PARP10: variants seen among roughly 807,000 people sequenced by gnomAD.
PARP10 encodes protein mono-ADP-ribosyltransferase PARP10.
A neutral mutation model predicts 82.4 loss-of-function variants in PARP10; 56 were observed. The ratio of observed to expected loss-of-function variants is 0.68; its 90% CI spans 0.55 to 0.85. The LOEUF (loss-of-function observed/expected upper bound fraction) is 0.85. Among genes scored for constraint, PARP10 ranks in the 40% least tolerant of loss-of-function variants. The probability of loss-of-function intolerance (pLI) is 0.00; values close to 1 mark genes in which losing one functional copy is unlikely to be tolerated. For missense variants in PARP10, 1,227 were observed against 1,379.4 expected, an observed-to-expected ratio of 0.89 and a Z score of 1.75; for synonymous variants, 576 against 601.1, an observed-to-expected ratio of 0.96 and a Z score of 0.61.
At chr8:143,999,185 G>A (rs572704351) in intron 1 of PARP10, among the ~76,000 whole-genome samples, 150 of 151,740 alleles carry the variant, frequency 9.9e-4, no homozygotes, top group African/African-American at 3.6e-3. Flanking sequence ...GACCACAGGC[G>A]CTCACTACCA....
rs1554748391 is a variant in PARP10, at chr8:143,983,707, C to T, written c.1882G>A (p.Glu628Lys). 2 of 1,610,106 alleles carry T rather than the reference C, an allele frequency of 1.2e-6. No individual in the cohort carries two copies. The highest frequency in any genetic ancestry group is 1.7e-5 in the Admixed American group (1 of 59,638). Residue 628 changes from glutamate (E) to lysine (K), a missense_variant, in exon 8 of 11, where the codon GAG (glutamate) becomes AAG (lysine). Transcript: ENST00000313028. Reference protein sequence around the residue: ...EEEGPQEQPEEEVTPGHEEEE... With the variant: ...EEEGPQEQPEKEVTPGHEEEE... The stretch of plus-strand genomic sequence containing the variant: ...TCCTCATGCCCTGGGGTCACCTCCT[C>T]CTCTGGCTGCTCCTGAGGCCCTTCC...
intron 1 of PARP10, among the ~76,000 whole-genome samples, chr8:144,000,263 T>C (rs1270577699): frequency 6.6e-6 from 1 of 152,182 alleles, no homozygotes; most frequent in Non-Finnish European, 1.5e-5. Context: ...GGTGGCTCCC[T>C]AATCCAACAT....
chr8:143,985,735 G>A lies in PARP10; in HGVS notation c.422C>T (p.Pro141Leu), dbSNP rs1410659781. The change falls in exon 3 of 11, where the codon CCC becomes CTC. Residue 141 changes from proline (P) to leucine (L), a missense_variant. Pro to Leu is a moderately conservative substitution (Grantham distance 98). Transcript: ENST00000313028. ...CTGCCTCTCACCTGCCTCAGAAAGG[G>A]GCTTGGGCAACTGGACCAGAGCCCG... ...PDRALVQLPK[P>L]LSEADVRVLE... 6.2e-7 allele frequency: 1 copy of A among 1,607,360 alleles called. No homozygotes were observed. The highest frequency in any genetic ancestry group is 8.5e-7 in the Non-Finnish European group (1 of 1,176,348).
chr8:144,012,658 T>C lies in PARP10; in HGVS notation c.-208A>G, dbSNP rs982409033. The C allele has an allele frequency of 3.9e-5, 61 of 1,551,568 alleles. No homozygotes were observed. The African/African-American group carries it at 8.1e-4, about 21-fold the overall frequency. On this transcript the variant is annotated 5_prime_UTR_variant, in exon 1 of 4. Coordinates refer to the PARP10 transcript ENST00000530478. ...GCGATCAAGACTCAGGCAGGCGGGC[T>C]CGGCATCAGCGGGTTCACGAGTGGG...
At chr8:144,012,511 AGGGCATGTCT>A in intron 1 of PARP10, 4 of 1,551,642 alleles carry the variant, frequency 2.6e-6, no homozygotes, top group Non-Finnish European at 3.5e-6. Context: ...CCACTGCCCC[AGGGCATGTCT>A]CTACTCACCA....
Position 143,985,982 on chromosome 8 carries a change from G to T in PARP10, c.182-7C>A. 6.3e-7 allele frequency: 1 copy of T among 1,594,222 alleles called. No individual in the cohort carries two copies. The highest frequency in any genetic ancestry group is 8.6e-7 in the Non-Finnish European group (1 of 1,166,032). Reference sequence around the variant, plus strand: ...GCCAAGACCCTCTCGGCGTCTGTGGGCAGGGGCGGGGCAGGATGTCAGGCA... The same window carrying T: ...GCCAAGACCCTCTCGGCGTCTGTGGTCAGGGGCGGGGCAGGATGTCAGGCA... On this transcript the variant is annotated splice_region_variant and splice_polypyrimidine_tract_variant and intron_variant, in intron 2 of 10. Coordinates refer to ENST00000313028, the MANE Select transcript of PARP10 (RefSeq NM_032789.5).
At position 143,977,283 on chromosome 8, in the gene PARP10, G is replaced by C; in HGVS notation, c.*201C>G. 1 of 593,312 alleles carries C rather than the reference G, an allele frequency of 1.7e-6. No individual in the cohort carries two copies. The highest frequency in any genetic ancestry group is 2.9e-6 in the Non-Finnish European group (1 of 346,426). The allele number at this position is 593,312 out of a possible 1,614,324, so 36.8% of individuals were successfully genotyped here. ...TGGGCTCTGCTGACCCCTGGTGGTG[G>C]GGTCGGCCCAGGCTGGGACCTAGCC... is the stretch of plus-strand genomic sequence containing the variant. On this transcript the variant is annotated 3_prime_UTR_variant, in exon 11 of 11. Transcript: ENST00000313028.
upstream of PARP10, chr8:143,991,899 C>T: frequency 6.2e-7 from 1 of 1,611,808 alleles, no homozygotes; most frequent in Non-Finnish European, 8.5e-7. Context: ...GCTGACCTTG[C>T]AGCTGTCGGT....
At chr8:143,981,312 G>A (rs1024486071) in intron 9 of PARP10, among the ~76,000 whole-genome samples, 10 of 148,742 alleles carry the variant, frequency 6.7e-5, no homozygotes, top group East Asian at 2.0e-4. Flanking sequence ...GGTAGTGGTG[G>A]TGGTGATGGT....
upstream of PARP10, among the ~76,000 whole-genome samples, chr8:143,987,628 C>T (rs1834013872): frequency 6.6e-6 from 1 of 152,210 alleles, no homozygotes; most frequent in Non-Finnish European, 1.5e-5. Context: ...CGCAGTGGCT[C>T]ATGCCTGTAA....
At chr8:143,991,029 T>C, upstream of PARP10, 1 of 441,652 alleles carries the variant, frequency 2.3e-6, no homozygotes, top group Non-Finnish European at 4.0e-6. Flanking sequence ...CGTCCGGTCC[T>C]CACGCGCTTC....
chr8:143,980,532 TATATATAAATGTATATATTA>T (rs1296537876), intron 9 of PARP10, among the ~76,000 whole-genome samples: 3 of 149,524 alleles, frequency 2.0e-5, no homozygotes, highest in South Asian at 4.2e-4. Flanking sequence ...AAAAAAATTA[TATATATAAATGTATATATTA>T]ATATATAAAT....
chr8:143,985,684 C>T (rs782387437), intron 3 of PARP10, 36 bp from the exon 4 acceptor site: 3 of 1,603,188 alleles, frequency 1.9e-6, no homozygotes, highest in Non-Finnish European at 2.6e-6. Context: ...AGGGAATCCC[C>T]CCTAGCCAGC....
chr8:144,008,718 G>A lies in PARP10; in HGVS notation c.-80+3812C>T, dbSNP rs369376133. 1.8e-4 allele frequency among the ~76,000 whole-genome samples: 27 copies of A among 152,234 alleles called. No individual in the cohort carries two copies. The highest frequency in any genetic ancestry group is 1.2e-3 in the East Asian group (6 of 5,184). On this transcript the variant is annotated intron_variant, in intron 1 of 3. Coordinates refer to the PARP10 transcript ENST00000530478. The surrounding 1 kb of genome is among the most constrained non-coding windows in gnomAD (Gnocchi z 4.0). ...GAGGCCCAGTGTCTCTCACTCCCCA[G>A]ACTCTAGCCCCCAGACATGTCATCC...
At chr8:143,982,814 A>G in intron 9 of PARP10, 118 bp downstream of exon 9, 1 of 1,466,812 alleles carries the variant, frequency 6.8e-7, no homozygotes, top group Non-Finnish European at 9.2e-7. Context: ...GGAGCCTGTC[A>G]GCTCCTGGTC....
chr8:143,980,011 CAAAA>C (rs1175660825), intron 9 of PARP10, among the ~76,000 whole-genome samples: 2 of 33,086 alleles, frequency 6.0e-5, no homozygotes, highest in Non-Finnish European at 6.2e-5. Flanking sequence ...GACTCCGTCT[CAAAA>C]AAAAAAAAAA....
intron 9 of PARP10, among the ~76,000 whole-genome samples, chr8:143,982,196 G>A (rs1019981676): frequency 1.3e-5 from 2 of 152,172 alleles, no homozygotes; most frequent in Non-Finnish European, 2.9e-5. Flanking sequence ...AAGGCCGGGC[G>A]CGGTGGCTCA....
intron 1 of PARP10, among the ~76,000 whole-genome samples, chr8:143,996,818 C>T (rs1388727518): frequency 1.3e-5 from 2 of 152,130 alleles, no homozygotes; most frequent in African/African-American, 2.4e-5. Flanking sequence ...ATGGGAGACT[C>T]GCAGCGGGCT....
rs868983383 is a variant in PARP10, at chr8:143,985,201, G to A, written c.801C>T (p.Thr267=). The change falls in exon 5 of 11, where the codon ACC becomes ACT. Residue 267 remains threonine, a synonymous_variant. Transcript: ENST00000313028. ...ENTSGGDHPS[T]QGPRATKHAL... ...CATGCTTGGTAGCCCTAGGCCCCTG[G>A]GTGGACGGGTGGTCCCCTCCACTGG... 1.2e-6 allele frequency: 2 copies of A among 1,614,106 alleles called. No homozygotes were observed. Among genetic ancestry groups the A allele is most frequent in the East Asian group, 2.2e-5 (1 of 44,878 alleles).
Sources: allele counts gnomAD v4.1 joint callset (sites outside exome capture counted in the v4.1 genomes callset), GRCh38; gene constraint gnomAD v4.1.1; non-coding constraint Gnocchi (gnomAD v3.1); transcripts MANE v1.5; gene names NCBI Gene and HGNC (gene_info 2026-07-23, HGNC 2026-07-21).